The following AGBL1 variants were observed in gnomAD, a reference collection of about 807,000 sequenced individuals.
AGBL1 encodes the protein AGBL carboxypeptidase 1.
Under a neutral mutation model 118.9 loss-of-function variants are expected in AGBL1, and 130 were observed. That is an observed-to-expected ratio of 1.09 (90% CI 0.95 to 1.26). AGBL1 has a LOEUF of 1.26. Ranked by LOEUF, AGBL1 falls within the 50% of genes most tolerant of loss-of-function variation. The pLI, the probability that AGBL1 is intolerant of heterozygous loss-of-function variation, is 0.00. For missense variants in AGBL1, 1,584 were observed against 1,298.1 expected (o/e 1.22, Z -3.38); for synonymous variants, 555 against 478.9 (o/e 1.16, Z -2.08).
chr15:86,781,813 T>C (rs1433071713), intron 22 of AGBL1, among the ~76,000 whole-genome samples: 19 of 152,128 alleles, frequency 1.2e-4, no homozygotes, highest in Non-Finnish European at 1.6e-4. Context: ...CATTTACATG[T>C]ATCTTGTTAA....
intron 17 of AGBL1, among the ~76,000 whole-genome samples, chr15:86,335,175 G>C (rs2080344556): frequency 1.3e-5 from 2 of 150,698 alleles, no homozygotes; most frequent in Admixed American, 1.3e-4. Flanking sequence ...TTTCGCTCTT[G>C]TTGCCCAGGC....
intron 16 of AGBL1, among the ~76,000 whole-genome samples, chr15:86,283,387 A>G (rs1315752826): frequency 6.6e-6 from 1 of 152,082 alleles, no homozygotes; most frequent in East Asian, 1.9e-4. Context: ...GGGGGAGCTT[A>G]AGGATCTTAA....
intron 17 of AGBL1, among the ~76,000 whole-genome samples, chr15:86,383,393 G>A (rs1387909812): frequency 6.6e-6 from 1 of 151,646 alleles, no homozygotes; most frequent in Non-Finnish European, 1.5e-5. Flanking sequence ...TTCAAGACCA[G>A]CCTGACAAAC....
At chr15:86,402,364 T>C (rs1470485947) in intron 18 of AGBL1, among the ~76,000 whole-genome samples, 25 of 152,072 alleles carry the variant, frequency 1.6e-4, no homozygotes, top group Admixed American at 1.6e-3. Flanking sequence ...GGATGAGTCT[T>C]TAGGGTTTTC....
At chr15:86,906,774 C>T (rs577852638) in intron 22 of AGBL1, among the ~76,000 whole-genome samples, 1 of 152,258 alleles carries the variant, frequency 6.6e-6, no homozygotes, top group Non-Finnish European at 1.5e-5. Context: ...GTATACTCTG[C>T]TGGCAAAGGA....
intron 22 of AGBL1, among the ~76,000 whole-genome samples, chr15:86,712,456 G>A (rs1053657146): frequency 6.6e-6 from 1 of 151,918 alleles, no homozygotes; most frequent in African/African-American, 2.4e-5. Flanking sequence ...GAGAGATTAG[G>A]CAATTGGGCT....
At chr15:86,804,105 G>A (rs1416819152) in intron 22 of AGBL1, among the ~76,000 whole-genome samples, 2 of 152,088 alleles carry the variant, frequency 1.3e-5, no homozygotes, top group Admixed American at 6.6e-5. Flanking sequence ...AAGGGATCAT[G>A]GGAAGTGACA....
intron 1 of AGBL1, among the ~76,000 whole-genome samples, chr15:86,100,049 A>T (rs1260226317): frequency 1.3e-5 from 2 of 151,988 alleles, no homozygotes; most frequent in Non-Finnish European, 2.9e-5. Context: ...TCATGAAGGA[A>T]TGTTGAATTT....
chr15:86,732,390 T>A (rs1390607429), intron 22 of AGBL1, among the ~76,000 whole-genome samples: 1 of 152,212 alleles, frequency 6.6e-6, no homozygotes, highest in Non-Finnish European at 1.5e-5. Context: ...TTTACAACTG[T>A]TTGTAACTAT....
At chr15:86,706,419 G>A (rs920861831) in intron 22 of AGBL1, among the ~76,000 whole-genome samples, 2 of 152,074 alleles carry the variant, frequency 1.3e-5, no homozygotes, top group African/African-American at 4.8e-5. Flanking sequence ...TTAATTTGGG[G>A]ATAAATTTGA....
At chr15:86,981,587 C>G (rs753245900) in intron 23 of AGBL1, among the ~76,000 whole-genome samples, 63 of 152,204 alleles carry the variant, frequency 4.1e-4, no homozygotes, top group Non-Finnish European at 5.6e-4. Flanking sequence ...TAGTATAAAC[C>G]TTTGACATAG....
intron 20 of AGBL1, among the ~76,000 whole-genome samples, chr15:86,547,855 G>T (rs926777856): frequency 6.6e-6 from 1 of 152,110 alleles, no homozygotes; most frequent in Non-Finnish European, 1.5e-5. Flanking sequence ...TTCCTTAAAG[G>T]TGATTCATGG....
intron 22 of AGBL1, among the ~76,000 whole-genome samples, chr15:86,795,740 A>G (rs2078561033): frequency 6.6e-6 from 1 of 151,354 alleles, no homozygotes; most frequent in South Asian, 2.1e-4. Context: ...GCTCGCCACA[A>G]CACCCAGCTA....
chr15:86,778,567 C>G (rs562760913), intron 22 of AGBL1, among the ~76,000 whole-genome samples: 1 of 152,286 alleles, frequency 6.6e-6, no homozygotes, highest in Non-Finnish European at 1.5e-5. Flanking sequence ...CGATATTTCT[C>G]CCATTTGCTT....
At chr15:86,382,621 C>A (rs188096588) in intron 17 of AGBL1, among the ~76,000 whole-genome samples, 2 of 151,990 alleles carry the variant, frequency 1.3e-5, no homozygotes, top group Non-Finnish European at 2.9e-5. Flanking sequence ...GGCAGGCCAC[C>A]GCTGTAGTCA....
chr15:86,597,155 C>CCATCCATCCATA (rs1282990177), intron 21 of AGBL1, among the ~76,000 whole-genome samples: 15 of 151,972 alleles, frequency 9.9e-5, no homozygotes, highest in African/African-American at 3.6e-4. Context: ...ATCCATCCAT[C>CCATCCATCCATA]CATCCATCCA....
intron 9 of AGBL1, among the ~76,000 whole-genome samples, chr15:86,260,760 T>C (rs1489693388): frequency 6.6e-6 from 1 of 152,144 alleles, no homozygotes; most frequent in Admixed American, 6.5e-5. Flanking sequence ...CAAAAGACAA[T>C]GTCCAAAAGC....
intron 16 of AGBL1, among the ~76,000 whole-genome samples, chr15:86,291,166 A>C (rs1284628285): frequency 6.6e-6 from 1 of 152,194 alleles, no homozygotes; most frequent in Non-Finnish European, 1.5e-5. Flanking sequence ...ATGTTGTCTG[A>C]GCTTTTGTAT....
At chr15:86,955,613 AAAG>A (rs2080921712) in intron 23 of AGBL1, among the ~76,000 whole-genome samples, 1 of 152,194 alleles carries the variant, frequency 6.6e-6, no homozygotes, top group South Asian at 2.1e-4. Context: ...GATTAAGAGA[AAAG>A]AAAGATTAGA....
Sources: allele counts gnomAD v4.1 joint callset (sites outside exome capture counted in the v4.1 genomes callset), GRCh38; gene constraint gnomAD v4.1.1; transcripts MANE v1.5; gene names NCBI Gene and HGNC (gene_info 2026-07-23, HGNC 2026-07-21).